The following ZNF83 variants were observed in gnomAD, a reference collection of about 807,000 sequenced individuals.
ZNF83 encodes the protein zinc finger protein 816B.
For synonymous variants in ZNF83, 209 were observed against 213.0 expected (o/e 0.98, Z 0.17); for missense variants, 552 against 629.9 (o/e 0.88, Z 1.32).
chr19:52,653,331 A>G, intron 3 of ZNF83: 1 of 1,275,672 alleles, frequency 7.8e-7, no homozygotes, highest in South Asian at 1.2e-5. Flanking sequence ...TCTCTCCAGT[A>G]TGAACTCTCT....
intron 1 of ZNF83, among the ~76,000 whole-genome samples, chr19:52,664,633 A>G (rs2147289489): frequency 6.6e-6 from 1 of 152,190 alleles, no homozygotes; most frequent in East Asian, 1.9e-4. Context: ...AAAAGCCAGG[A>G]CTGGGGGGTG....
intron 2 of ZNF83, among the ~76,000 whole-genome samples, chr19:52,656,224 C>CTA (rs1491512779): frequency 8.0e-5 from 10 of 124,538 alleles, no homozygotes; most frequent in South Asian, 2.5e-4. Flanking sequence ...CTCTCTCTCT[C>CTA]TCTATATATA....
At chr19:52,625,528 A>G (rs1011914753) in intron 2 of ZNF83, among the ~76,000 whole-genome samples, 18 of 152,162 alleles carry the variant, frequency 1.2e-4, no homozygotes, top group African/African-American at 4.3e-4. Context: ...CACCTTCTCA[A>G]TGCTCCTTCA....
chr19:52,636,858 A>G (rs2147200018), intron 1 of ZNF83: 1 of 145,942 alleles, frequency 6.9e-6, no homozygotes, highest in Non-Finnish European at 1.5e-5. Flanking sequence ...GGGTCTCACT[A>G]TGTTGCCCAA....
chr19:52,666,832 T>C (rs1186718254), intron 1 of ZNF83, among the ~76,000 whole-genome samples: 1 of 152,184 alleles, frequency 6.6e-6, no homozygotes, highest in African/African-American at 2.4e-5. Flanking sequence ...GACAGGACTA[T>C]ACAGGGTTTC....
At chr19:52,634,205 G>C (rs2061068488) in intron 2 of ZNF83, among the ~76,000 whole-genome samples, 1 of 148,736 alleles carries the variant, frequency 6.7e-6, no homozygotes, top group Non-Finnish European at 1.5e-5. Flanking sequence ...TCAGAAGGCA[G>C]AGGTTGCAGT....
chr19:52,647,302 T>C (rs985887548), intron 3 of ZNF83, among the ~76,000 whole-genome samples: 1 of 152,212 alleles, frequency 6.6e-6, no homozygotes, highest in Non-Finnish European at 1.5e-5. Context: ...ATTCTCAGTT[T>C]CATCTGTATA....
chr19:52,655,566 G>A lies in ZNF83; in HGVS notation c.-79C>T. ...AGGAGGGACATTTTCCTCACCCACA[G>A]ACTCCAGGTTCCTGTAGTTCTCCAA... On this transcript the variant is annotated 5_prime_UTR_variant, in exon 3 of 6. Coordinates refer to the ZNF83 transcript ENST00000594682. 5 of 1,500,862 alleles carry A rather than the reference G, an allele frequency of 3.3e-6. 1 individual carries two copies. Among genetic ancestry groups the A allele is most frequent in the Non-Finnish European group, 4.6e-6 (5 of 1,078,084 alleles). 93.0% of individuals were successfully genotyped at this position (1,500,862 alleles called of 1,614,324 possible).
At chr19:52,630,754 C>T (rs898110802) in intron 2 of ZNF83, among the ~76,000 whole-genome samples, 10 of 152,086 alleles carry the variant, frequency 6.6e-5, no homozygotes, top group Middle Eastern at 3.2e-3. Flanking sequence ...CCCCACTCAA[C>T]GCCAGTATCC....
intron 1 of ZNF83, among the ~76,000 whole-genome samples, chr19:52,688,224 G>A (rs1192276948): frequency 6.6e-6 from 1 of 152,018 alleles, no homozygotes; most frequent in Non-Finnish European, 1.5e-5. Context: ...AGGCTGCAGT[G>A]CAGTGGCATG....
chr19:52,685,048 C>A (rs958846980), intron 1 of ZNF83, among the ~76,000 whole-genome samples: 2 of 152,216 alleles, frequency 1.3e-5, no homozygotes, highest in African/African-American at 4.8e-5. Flanking sequence ...GTCTACCGCT[C>A]TGTTTCTTCC....
chr19:52,670,008 A>G (rs2061702590), intron 1 of ZNF83, among the ~76,000 whole-genome samples: 1 of 152,248 alleles, frequency 6.6e-6, no homozygotes, highest in Admixed American at 6.5e-5. Context: ...CTTTTCAAAG[A>G]ATCAATAAGT....
At chr19:52,677,329 A>AAAAAAAAAT (rs1555791128) in intron 1 of ZNF83, among the ~76,000 whole-genome samples, 92 of 129,046 alleles carry the variant, frequency 7.1e-4, no homozygotes, top group East Asian at 4.1e-3. Flanking sequence ...AAAAAAAAAA[A>AAAAAAAAAT]ACAAAAATTA....
rs1264526372 is a variant in ZNF83, at chr19:52,629,424, A to G, written c.-234+5642T>C. Among the ~76,000 whole-genome samples the G allele has an allele frequency of 3.3e-5, 5 of 151,680 alleles. No individual in the cohort carries two copies. The South Asian group carries it at 8.3e-4, about 25-fold the overall frequency. The stretch of plus-strand genomic sequence containing the variant: ...TCTAATCTTCCTTTTCTACAGGCCC[A>G]TCTGAACTCTTCCCCTCCTCCCCAG... On this transcript the variant is annotated intron_variant, in intron 2 of 2. Coordinates refer to ENST00000301096, the Ensembl canonical transcript of ZNF83.
intron 3 of ZNF83, chr19:52,650,865 A>AGTC (rs2061433199): frequency 6.6e-6 from 1 of 152,214 alleles, no homozygotes. Context: ...CAGCAGAAGA[A>AGTC]AGCTACATCA....
intron 2 of ZNF83, among the ~76,000 whole-genome samples, chr19:52,618,285 G>A (rs2060391438): frequency 6.8e-6 from 1 of 147,486 alleles, no homozygotes; most frequent in Admixed American, 6.8e-5. Context: ...TTTTTGAGAT[G>A]GAGCCTGGCT....
At chr19:52,678,973 C>CAA (rs11365430) in intron 1 of ZNF83, among the ~76,000 whole-genome samples, 3 of 138,384 alleles carry the variant, frequency 2.2e-5, no homozygotes, top group Non-Finnish European at 3.2e-5. Flanking sequence ...GACTCCATCT[C>CAA]AAAAAAAAAA....
intron 1 of ZNF83, among the ~76,000 whole-genome samples, chr19:52,675,901 C>T (rs986554866): frequency 4.6e-5 from 7 of 152,170 alleles, no homozygotes; most frequent in Non-Finnish European, 5.9e-5. Flanking sequence ...CAAGAATGAA[C>T]GACATTCAGG....
intron 2 of ZNF83, among the ~76,000 whole-genome samples, chr19:52,656,028 T>A (rs1345056490): frequency 6.6e-6 from 1 of 151,842 alleles, no homozygotes; most frequent in Non-Finnish European, 1.5e-5. Flanking sequence ...CAGGGCAACA[T>A]GGTGAAACCA....
Sources: allele counts gnomAD v4.1 joint callset (sites outside exome capture counted in the v4.1 genomes callset), GRCh38; gene constraint gnomAD v4.1.1; transcripts MANE v1.5; gene names NCBI Gene and HGNC (gene_info 2026-07-23, HGNC 2026-07-21).